Variants in TBC1D5 observed in about 807,000 individuals in gnomAD.
TBC1D5 encodes TBC1 domain family member 5.
TBC1D5 carries 75 observed loss-of-function variants against 100.3 expected under a neutral mutation model. That is an observed-to-expected ratio of 0.75 (90% CI 0.62 to 0.91). The LOEUF is 0.91. TBC1D5 is among the 40% of genes least tolerant of loss of function. TBC1D5 has a pLI of 0.00. For synonymous variants in TBC1D5, 323 were observed against 325.6 expected, an observed-to-expected ratio of 0.99 and a Z score of 0.09; for missense variants, 910 against 942.4, an observed-to-expected ratio of 0.97 and a Z score of 0.45.
intron 2 of TBC1D5, among the ~76,000 whole-genome samples, chr3:17,610,227 C>G (rs2061581494): frequency 6.6e-6 from 1 of 152,056 alleles, no homozygotes. Flanking sequence ...TTCTTTGGCC[C>G]AGGCTGGAGA....
intron 16 of TBC1D5, among the ~76,000 whole-genome samples, chr3:17,242,566 C>T (rs1031417923): frequency 4.0e-5 from 6 of 151,798 alleles, no homozygotes; most frequent in Non-Finnish European, 8.8e-5. Context: ...CCCTCTTTTC[C>T]GATAAAAGCA....
At chr3:17,593,412 C>T (rs1203191503) in intron 2 of TBC1D5, among the ~76,000 whole-genome samples, 1 of 152,134 alleles carries the variant, frequency 6.6e-6, no homozygotes, top group African/African-American at 2.4e-5. Flanking sequence ...CTGCTGAGTG[C>T]CCAATTTGCC....
chr3:17,310,825 T>G (rs1454211240), intron 13 of TBC1D5, among the ~76,000 whole-genome samples: 1 of 152,022 alleles, frequency 6.6e-6, no homozygotes, highest in Non-Finnish European at 1.5e-5. Context: ...ATTTTATATA[T>G]AATTATAAGA....
intron 1 of TBC1D5, among the ~76,000 whole-genome samples, chr3:17,684,992 A>C (rs2070051243): frequency 6.6e-6 from 1 of 152,086 alleles, no homozygotes; most frequent in South Asian, 2.1e-4. Context: ...AACAAGTAAA[A>C]AATGCAGATC....
At chr3:17,457,455 C>A (rs2095113153) in intron 3 of TBC1D5, among the ~76,000 whole-genome samples, 1 of 152,078 alleles carries the variant, frequency 6.6e-6, no homozygotes, top group Non-Finnish European at 1.5e-5. Context: ...TACTGATGAC[C>A]CTGACATAGC....
At chr3:17,211,061 C>T (rs1332616363) in intron 18 of TBC1D5, among the ~76,000 whole-genome samples, 1 of 152,016 alleles carries the variant, frequency 6.6e-6, no homozygotes, top group African/African-American at 2.4e-5. Flanking sequence ...GTTTCCTTCC[C>T]AGTTGCTTTT....
Position 17,602,672 on chromosome 3 carries a change from G to A in TBC1D5, c.-36+21177C>T, listed in dbSNP as rs1418853514. ...ACTGCAAGCTCCACCTCCTGGGTTC[G>A]TGCCATTCTCCTGTCTCAGCCTCCC... is the stretch of plus-strand genomic sequence containing the variant. On this transcript the variant is annotated intron_variant, in intron 2 of 21. Transcript: ENST00000253692. Among the ~76,000 whole-genome samples, 46 of 141,194 alleles carry A rather than the reference G, an allele frequency of 3.3e-4. 1 individual carries two copies. The highest frequency in any genetic ancestry group is 1.2e-3 in the African/African-American group (45 of 37,586). The allele number at this position is 141,194 out of a possible 152,430, so 92.6% of individuals were successfully genotyped here.
chr3:17,325,452 A>T lies in TBC1D5; in HGVS notation c.996-17318T>A, dbSNP rs572213083. 3.1e-3 allele frequency among the ~76,000 whole-genome samples: 478 copies of T among 151,768 alleles called. 1 individual carries two copies. The highest frequency in any genetic ancestry group is 5.0e-3 in the Non-Finnish European group (340 of 67,978). ...ATTCACCTGCCTCAGCCTGCCGAGT[A>T]GCTGGGATTTACAGGCATGCGCCTC... is the stretch of plus-strand genomic sequence containing the variant. On this transcript the variant is annotated intron_variant, in intron 13 of 21. Coordinates refer to ENST00000253692, the Ensembl canonical transcript of TBC1D5.
intron 1 of TBC1D5, among the ~76,000 whole-genome samples, chr3:17,641,926 A>G (rs1351257369): frequency 6.6e-6 from 1 of 152,172 alleles, no homozygotes; most frequent in African/African-American, 2.4e-5. Flanking sequence ...AAAAGAATAA[A>G]ATGCAATGTT....
intron 4 of TBC1D5, among the ~76,000 whole-genome samples, chr3:17,426,375 C>T (rs2094335878): frequency 6.6e-6 from 1 of 152,082 alleles, no homozygotes; most frequent in African/African-American, 2.4e-5. Flanking sequence ...CAAGTAAGCT[C>T]ATTATAAGAG....
At chr3:17,381,335 T>C (rs1051050956) in intron 9 of TBC1D5, among the ~76,000 whole-genome samples, 10 of 152,056 alleles carry the variant, frequency 6.6e-5, no homozygotes, top group Admixed American at 4.6e-4. Flanking sequence ...CTAAAAAAAA[T>C]TGGAAAACAG....
intron 8 of TBC1D5, among the ~76,000 whole-genome samples, chr3:17,396,912 G>A (rs73156372): frequency 0.091 from 13,813 of 151,930 alleles, 1,407 homozygotes; most frequent in African/African-American, 0.25. Flanking sequence ...TGTGCTGCTG[G>A]GGCGAGCATA....
At chr3:17,160,977 G>A in exon 22 of TBC1D5, 1 of 1,613,742 alleles carries the variant, frequency 6.2e-7, no homozygotes, top group East Asian at 2.2e-5. Flanking sequence ...ATGTCCAGGG[G>A]ACTCACAATG....
Position 17,718,707 on chromosome 3 carries a change from T to C in TBC1D5, c.-101+20636A>G, listed in dbSNP as rs538211474. ...CATTACCACTGTCTATTTTCAGAAC[T>C]TTCATCATTCCAAACAGAAACTCTG... On this transcript the variant is annotated intron_variant, in intron 1 of 21. Coordinates refer to ENST00000253692, the Ensembl canonical transcript of TBC1D5. Among the ~76,000 whole-genome samples, 4 of 152,300 alleles carry C rather than the reference T, an allele frequency of 2.6e-5. No homozygotes were observed. In the East Asian group the frequency reaches 7.7e-4, roughly 29 times the overall value.
chr3:17,512,437 T>C (rs1044853870), intron 2 of TBC1D5, among the ~76,000 whole-genome samples: 4 of 152,126 alleles, frequency 2.6e-5, no homozygotes, highest in African/African-American at 9.6e-5. Flanking sequence ...CTATCCTTAA[T>C]TTTCTCTTAT....
At chr3:17,722,062 G>A (rs920433149) in intron 1 of TBC1D5, among the ~76,000 whole-genome samples, 3 of 152,048 alleles carry the variant, frequency 2.0e-5, no homozygotes, top group Non-Finnish European at 2.9e-5. Flanking sequence ...CACAACCAAC[G>A]TTATGGGAAA....
At chr3:17,478,111 G>GA (rs1403152581) in intron 3 of TBC1D5, among the ~76,000 whole-genome samples, 4 of 152,056 alleles carry the variant, frequency 2.6e-5, no homozygotes, top group African/African-American at 9.7e-5. Context: ...AGAAATTTAG[G>GA]AAAACGTTTG....
At chr3:17,499,628 C>G (rs2095759578) in intron 3 of TBC1D5, among the ~76,000 whole-genome samples, 1 of 145,356 alleles carries the variant, frequency 6.9e-6, no homozygotes, top group South Asian at 2.2e-4. Flanking sequence ...CCTGCCAGGT[C>G]AAGGCTGCAG....
At chr3:17,326,856 A>G (rs1011089376) in intron 13 of TBC1D5, among the ~76,000 whole-genome samples, 12 of 152,230 alleles carry the variant, frequency 7.9e-5, no homozygotes, top group African/African-American at 2.9e-4. Flanking sequence ...TTCTTAACTT[A>G]GGAGACAGCA....
Sources: gnomAD v4.1 joint callset for allele counts (sites outside exome capture counted in the v4.1 genomes callset) on GRCh38, gnomAD v4.1.1 for gene constraint, MANE v1.5 for transcripts, NCBI Gene and HGNC (gene_info 2026-07-23, HGNC 2026-07-21) for gene names.